The following RTL4 variants were observed in gnomAD, a reference collection of about 807,000 sequenced individuals.
RTL4 encodes the protein retrotransposon Gag-like protein 4.
In RTL4, 4 loss-of-function variants were observed where a neutral mutation model predicts 5.3. The ratio of observed to expected loss-of-function variants is 0.75; its 90% CI spans 0.37 to 1.72. The LOEUF is 1.72. Among genes scored for constraint, RTL4 ranks in the 40% most tolerant of loss-of-function variants. The probability of loss-of-function intolerance (pLI) is 0.04; values close to 1 mark genes in which losing one functional copy is unlikely to be tolerated. For synonymous variants in RTL4, 98 were observed against 87.3 expected (o/e 1.12, Z -0.68); for missense variants, 260 against 227.1 (o/e 1.14, Z -0.93).
the RTL4 span, among the ~76,000 whole-genome samples, chrX:112,269,040 T>C: frequency 8.9e-6 from 1 of 112,148 alleles, no homozygotes; most frequent in African/African-American, 3.2e-5. Context: ...TAGGATCTAT[T>C]GTCTCCAGTT....
the RTL4 span, among the ~76,000 whole-genome samples, chrX:112,307,546 C>CA: frequency 7.1e-5 from 8 of 112,005 alleles, no homozygotes; most frequent in African/African-American, 2.6e-4. Context: ...GATCCCTTCT[C>CA]AATGTCTTTG....
At chrX:112,306,404 G>A in the RTL4 span, among the ~76,000 whole-genome samples, 2 of 111,392 alleles carry the variant, frequency 1.8e-5, no homozygotes, top group African/African-American at 3.3e-5. Context: ...TTTACCATGT[G>A]TAATCTCACT....
At chrX:112,442,869 G>T in the RTL4 span, among the ~76,000 whole-genome samples, 1 of 111,464 alleles carries the variant, frequency 9.0e-6, no homozygotes. Context: ...ATGGAACATG[G>T]GGTATCCCTC....
the RTL4 span, among the ~76,000 whole-genome samples, chrX:112,377,529 CA>C: frequency 9.0e-6 from 1 of 111,637 alleles, no homozygotes; most frequent in Non-Finnish European, 1.9e-5. Context: ...AGGAAAAGAC[CA>C]AAAATCTAAG....
the RTL4 span, among the ~76,000 whole-genome samples, chrX:112,152,093 T>G: frequency 5.7e-3 from 632 of 111,515 alleles, 3 homozygotes; most frequent in Middle Eastern, 0.014. Flanking sequence ...CTTCTGTAGT[T>G]GAAATGTTGA....
At chrX:112,408,213 T>C in the RTL4 span, among the ~76,000 whole-genome samples, 1 of 111,034 alleles carries the variant, frequency 9.0e-6, no homozygotes, top group African/African-American at 3.3e-5. Context: ...AGATAGATAA[T>C]TTAAAATAGC....
the RTL4 span, among the ~76,000 whole-genome samples, chrX:112,422,129 G>A: frequency 8.9e-6 from 1 of 111,829 alleles, no homozygotes; most frequent in East Asian, 2.8e-4. Context: ...CTCTTTCTCT[G>A]AAAATAACAA....
chrX:112,222,089 T>C, the RTL4 span, among the ~76,000 whole-genome samples: 1 of 111,882 alleles, frequency 8.9e-6, no homozygotes, highest in African/African-American at 3.3e-5. Context: ...AACAGTATAG[T>C]GTCATGAAGA....
chrX:112,130,563 T>C, the RTL4 span, among the ~76,000 whole-genome samples: 1 of 111,042 alleles, frequency 9.0e-6, no homozygotes, highest in South Asian at 3.7e-4. Flanking sequence ...ATGACATCGT[T>C]AATAATACAA....
chrX:112,174,083 T>A, the RTL4 span, among the ~76,000 whole-genome samples: 3 of 108,147 alleles, frequency 2.8e-5, no homozygotes, highest in South Asian at 4.1e-4. Context: ...TTCTTTTTTT[T>A]AATTATTATT....
chrX:112,415,603 G>T, the RTL4 span, among the ~76,000 whole-genome samples: 4 of 110,331 alleles, frequency 3.6e-5, no homozygotes, highest in South Asian at 1.5e-3. Context: ...TTACTGGATC[G>T]CAGGGTATGC....
chrX:112,161,881 C>CTTTCTTTCTTTCT, the RTL4 span, among the ~76,000 whole-genome samples: 4 of 21,180 alleles, frequency 1.9e-4, no homozygotes, highest in African/African-American at 2.9e-4. Context: ...TTCCTTCTTT[C>CTTTCTTTCTTTCT]TTCTTTCTTT....
the RTL4 span, among the ~76,000 whole-genome samples, chrX:112,207,346 A>G: frequency 1.7e-3 from 189 of 111,258 alleles, no homozygotes; most frequent in Middle Eastern, 4.6e-3. Context: ...CCCACACCCT[A>G]TCTAAAATAG....
the RTL4 span, among the ~76,000 whole-genome samples, chrX:112,407,903 C>G: frequency 8.9e-6 from 1 of 112,532 alleles, no homozygotes; most frequent in African/African-American, 3.2e-5. Context: ...AGCATGAAAG[C>G]AGTACCTTAG....
chrX:112,113,323 C>T, the RTL4 span, among the ~76,000 whole-genome samples: 12 of 111,100 alleles, frequency 1.1e-4, no homozygotes, highest in South Asian at 4.7e-3. Flanking sequence ...ATAGCTCCAG[C>T]TTTGGCTAAT....
chrX:112,395,377 T>C, the RTL4 span, among the ~76,000 whole-genome samples: 1 of 110,795 alleles, frequency 9.0e-6, no homozygotes, highest in South Asian at 3.7e-4. Flanking sequence ...TTTACTATAT[T>C]TTACTATCTA....
At chrX:112,314,188 A>T in the RTL4 span, among the ~76,000 whole-genome samples, 1 of 111,934 alleles carries the variant, frequency 8.9e-6, no homozygotes, top group African/African-American at 3.2e-5. Context: ...GGCAGAACCA[A>T]ATCTTCAACC....
chrX:112,355,739 C>T, the RTL4 span, among the ~76,000 whole-genome samples: 3 of 111,135 alleles, frequency 2.7e-5, no homozygotes, highest in Non-Finnish European at 5.7e-5. Flanking sequence ...TAGAAGATGA[C>T]CTTGAGTTAG....
chrX:112,203,571 C>T, the RTL4 span, among the ~76,000 whole-genome samples: 3 of 110,549 alleles, frequency 2.7e-5, no homozygotes, highest in Non-Finnish European at 3.8e-5. Context: ...TCATATGGGT[C>T]GATTTCTGGC....
Sources: gnomAD v4.1 joint callset for allele counts (sites outside exome capture counted in the v4.1 genomes callset) on GRCh38, gnomAD v4.1.1 for gene constraint, MANE v1.5 for transcripts, NCBI Gene and HGNC (gene_info 2026-07-23, HGNC 2026-07-21) for gene names.